Variants in NBEA observed in about 807,000 individuals in gnomAD.
NBEA encodes neurobeachin.
In NBEA, 44 loss-of-function variants were observed where a neutral mutation model predicts 343.4. The observed-to-expected ratio is 0.13, with a 90% CI of 0.10 to 0.16. NBEA has a LOEUF of 0.16. NBEA is among the 10% of genes least tolerant of loss of function. NBEA has a pLI of 1.00. For missense variants in NBEA, 2,555 were observed against 3,631.3 expected (o/e 0.70, Z 7.62); for synonymous variants, 1,175 against 1,238.7 (o/e 0.95, Z 1.08).
At chr13:35,185,514 A>G (rs1321842701) in intron 30 of NBEA, 1 of 152,180 alleles carries the variant, frequency 6.6e-6, no homozygotes, top group Non-Finnish European at 1.5e-5. Context: ...TCTAGCTCTA[A>G]ACTGTGCAAA....
intron 1 of NBEA, among the ~76,000 whole-genome samples, chr13:35,011,234 G>A (rs573082754): frequency 6.6e-6 from 1 of 152,070 alleles, no homozygotes; most frequent in Non-Finnish European, 1.5e-5. Flanking sequence ...GAGTAAGAAT[G>A]GTGGAGGAGG....
chr13:35,307,232 T>C (rs1252798160), intron 35 of NBEA, among the ~76,000 whole-genome samples: 1 of 152,030 alleles, frequency 6.6e-6, no homozygotes, highest in Non-Finnish European at 1.5e-5. Context: ...TCATTTAGAC[T>C]CCTAATATTT....
At chr13:35,565,712 T>C (rs1392763032) in intron 44 of NBEA, among the ~76,000 whole-genome samples, 1 of 152,196 alleles carries the variant, frequency 6.6e-6, no homozygotes, top group Non-Finnish European at 1.5e-5. Context: ...ATCATGTTTT[T>C]TCAGTTTCAG....
rs2059052504 is a variant in NBEA, at chr13:34,942,336, C to G, written c.-485C>G. The G allele has an allele frequency of 6.5e-6, 1 of 153,768 alleles. No individual in the cohort carries two copies. The highest frequency in any genetic ancestry group is 1.4e-5 in the Non-Finnish European group (1 of 68,998). 9.5% of individuals were successfully genotyped at this position (153,768 alleles called of 1,614,324 possible). A position where few individuals can be genotyped will look rare whatever the true frequency, so the allele number is the denominator to read the frequency against. ...AGTGAGCGGCGGCGTCGGGGCTTCA[C>G]AACAACAGTGGTGGCCGTAGCAGCG... is the stretch of plus-strand genomic sequence containing the variant. On this transcript the variant is annotated 5_prime_UTR_variant, in exon 1 of 59. Coordinates refer to ENST00000379939, the MANE Select transcript of NBEA (RefSeq NM_001385012.1).
chr13:35,472,655 A>G, intron 41 of NBEA, 119 bp downstream of exon 41: 1 of 966,442 alleles, frequency 1.0e-6, no homozygotes, highest in Non-Finnish European at 1.6e-6. Flanking sequence ...TTTCTCATAG[A>G]AAATAAAATG....
chr13:35,576,173 G>A, intron 45 of NBEA, among the ~76,000 whole-genome samples: 1 of 151,244 alleles, frequency 6.6e-6, no homozygotes, highest in Non-Finnish European at 1.5e-5. Flanking sequence ...CTGGAGTGCG[G>A]TGGTGCAATC....
At chr13:35,271,011 GC>G (rs2034100711) in intron 34 of NBEA, among the ~76,000 whole-genome samples, 1 of 152,224 alleles carries the variant, frequency 6.6e-6, no homozygotes, top group Non-Finnish European at 1.5e-5. Flanking sequence ...CCCCAGCATG[GC>G]ATTTGAGCTC....
intron 38 of NBEA, among the ~76,000 whole-genome samples, chr13:35,402,243 GA>G (rs1254580334): frequency 1.3e-5 from 2 of 151,806 alleles, no homozygotes; most frequent in Non-Finnish European, 2.9e-5. Flanking sequence ...CTGATCTTTA[GA>G]AAAATATTTT....
chr13:35,187,590 A>G (rs867728502), intron 30 of NBEA, among the ~76,000 whole-genome samples: 4 of 151,924 alleles, frequency 2.6e-5, no homozygotes, highest in Non-Finnish European at 4.4e-5. Context: ...TGGCAAAACT[A>G]TTCTAATTCT....
At chr13:35,428,481 G>C (rs762729524) in intron 38 of NBEA, among the ~76,000 whole-genome samples, 30 of 152,026 alleles carry the variant, frequency 2.0e-4, no homozygotes, top group Non-Finnish European at 4.3e-4. Flanking sequence ...TCCTCCCTCT[G>C]TTCCTTCTGT....
At chr13:35,652,673 ATCTTTTCTGGCAGTCTTTTTTTTT>A (rs2084598528) in intron 53 of NBEA, among the ~76,000 whole-genome samples, 1 of 130,492 alleles carries the variant, frequency 7.7e-6, no homozygotes, top group Non-Finnish European at 1.6e-5. Flanking sequence ...ATTGAAGAAC[ATCTTTTCTGGCAGTCTTTTTTTTT>A]TTTTTTTTTT....
chr13:35,285,645 G>A (rs2035369941), intron 34 of NBEA, among the ~76,000 whole-genome samples: 1 of 152,124 alleles, frequency 6.6e-6, no homozygotes. Context: ...AGAATGCCTT[G>A]AGTCTGTCTC....
chr13:35,092,709 C>A (rs1052419845), intron 10 of NBEA, among the ~76,000 whole-genome samples: 1 of 151,952 alleles, frequency 6.6e-6, no homozygotes, highest in African/African-American at 2.4e-5. Context: ...TAAATACTGG[C>A]AAGGATGTGA....
intron 55 of NBEA, among the ~76,000 whole-genome samples, chr13:35,657,406 A>G (rs750653150): frequency 6.6e-6 from 1 of 152,232 alleles, no homozygotes; most frequent in Non-Finnish European, 1.5e-5. Context: ...TCAAATAATT[A>G]GTTACCAATT....
chr13:35,633,438 C>A (rs11147574), intron 49 of NBEA, among the ~76,000 whole-genome samples: 1 of 150,764 alleles, frequency 6.6e-6, no homozygotes, highest in East Asian at 2.1e-4. Flanking sequence ...TAGCTCACGC[C>A]TGTAATCCCC....
Position 34,942,829 on chromosome 13 carries a change from C to G in NBEA, c.9C>G (p.Ser3Arg), listed in dbSNP as rs1285594132. The change falls in exon 1 of 59, where the codon AGC becomes AGG. Residue 3 changes from serine to arginine, a missense_variant. Physicochemically the swap from Ser to Arg is moderately radical, Grantham distance 110. This residue lies in a region of NBEA where 122 missense variants were observed against 91.0 expected (regional missense o/e 1.34). Coordinates refer to ENST00000379939, the MANE Select transcript of NBEA (RefSeq NM_001385012.1). ...CCTCAGGAGGGGGGCCAATGGCTAG[C>G]GAGAAGCCGGGCCCGGGCCCGGGGC... Reference protein sequence around the residue: MASEKPGPGPGLE... With the variant: MAREKPGPGPGLE... 7.3e-7 allele frequency: 1 copy of G among 1,363,512 alleles called. No individual in the cohort carries two copies. The highest frequency in any genetic ancestry group is 1.6e-5 in the African/African-American group (1 of 64,358). 84.5% of individuals were successfully genotyped at this position (1,363,512 alleles called of 1,614,324 possible).
At chr13:34,977,877 A>G (rs756196945) in intron 1 of NBEA, among the ~76,000 whole-genome samples, 1 of 152,106 alleles carries the variant, frequency 6.6e-6, no homozygotes, top group African/African-American at 2.4e-5. Flanking sequence ...GTACAGTGGT[A>G]TGATCACAGT....
chr13:35,468,132 G>GCCCCC (rs1566176841), intron 40 of NBEA, among the ~76,000 whole-genome samples: 1 of 103,030 alleles, frequency 9.7e-6, no homozygotes. Flanking sequence ...CCCCTCCCCT[G>GCCCCC]AAAATGATTA....
At chr13:35,029,303 A>C (rs2062122611) in intron 1 of NBEA, among the ~76,000 whole-genome samples, 1 of 151,166 alleles carries the variant, frequency 6.6e-6, no homozygotes, top group African/African-American at 2.4e-5. Context: ...TCCAAGAAAA[A>C]CCATCTTTGT....
Sources: allele counts gnomAD v4.1 joint callset (sites outside exome capture counted in the v4.1 genomes callset), GRCh38; gene constraint gnomAD v4.1.1; regional missense constraint gnomAD v4.1.1; transcripts MANE v1.5; gene names NCBI Gene and HGNC (gene_info 2026-07-23, HGNC 2026-07-21).